UBFD1: variants seen among roughly 807,000 people sequenced by gnomAD.
The protein encoded by UBFD1 is ubiquitin domain-containing protein UBFD1.
Under a neutral mutation model 35.1 loss-of-function variants are expected in UBFD1, and 12 were observed. The ratio of observed to expected loss-of-function variants is 0.34; its 90% CI spans 0.22 to 0.55. The LOEUF is 0.55. UBFD1 is among the 20% of genes least tolerant of loss of function. The pLI, the probability that UBFD1 is intolerant of heterozygous loss-of-function variation, is 0.89. For synonymous variants in UBFD1, 178 were observed against 167.6 expected, an observed-to-expected ratio of 1.06 and a Z score of -0.48; for missense variants, 337 against 410.8, an observed-to-expected ratio of 0.82 and a Z score of 1.55.
At chr16:23,560,280 G>A (rs188936121) in intron 3 of UBFD1, among the ~76,000 whole-genome samples, 1 of 152,242 alleles carries the variant, frequency 6.6e-6, no homozygotes, top group East Asian at 1.9e-4. Context: ...GCTCATCATA[G>A]CCATTAACAT....
intron 3 of UBFD1, chr16:23,559,983 A>G (rs1965905887): frequency 1.9e-6 from 2 of 1,060,618 alleles, no homozygotes; most frequent in Non-Finnish European, 2.6e-6. Context: ...AGTGCCAGAG[A>G]AAACTACCAG....
intron 2 of UBFD1, chr16:23,558,931 C>T (rs1277315885): frequency 1.3e-5 from 2 of 152,924 alleles, no homozygotes; most frequent in Non-Finnish European, 2.9e-5. Context: ...CAGGTGCCCG[C>T]TACCCCGCCG....
At chr16:23,570,092 T>C (rs1044292165) in intron 6 of UBFD1, among the ~76,000 whole-genome samples, 1 of 152,202 alleles carries the variant, frequency 6.6e-6, no homozygotes, top group Non-Finnish European at 1.5e-5. Context: ...TGACAGGTTT[T>C]CTAGGGCAGC....
chr16:23,566,927 G>C, intron 5 of UBFD1, 60 bp from the exon 6 acceptor site: 1 of 1,541,880 alleles, frequency 6.5e-7, no homozygotes, highest in South Asian at 1.1e-5. Context: ...GGACTGCTGA[G>C]TCAGAGAAGT....
At chr16:23,561,432 T>C (rs1298745284) in intron 3 of UBFD1, among the ~76,000 whole-genome samples, 2 of 152,200 alleles carry the variant, frequency 1.3e-5, no homozygotes, top group Non-Finnish European at 2.9e-5. Flanking sequence ...ACTCAGGCAT[T>C]TGGGCCAGGC....
intron 6 of UBFD1, chr16:23,568,814 ACT>A (rs1966045932): frequency 6.6e-6 from 1 of 151,848 alleles, no homozygotes; most frequent in Non-Finnish European, 1.5e-5. Flanking sequence ...GGTGACAGAG[ACT>A]CTGTCTCAAA....
chr16:23,562,845 T>G (rs1405748735), intron 5 of UBFD1, 115 bp downstream of exon 5: 6 of 891,878 alleles, frequency 6.7e-6, no homozygotes, highest in African/African-American at 3.4e-5. Flanking sequence ...TCCACTGTGC[T>G]TTGCTTGCTT....
intron 5 of UBFD1, 92 bp from the exon 6 acceptor site, chr16:23,566,895 C>T (rs542021942): frequency 3.3e-5 from 41 of 1,254,358 alleles, no homozygotes; most frequent in South Asian, 5.2e-5. Context: ...CTGTAGATCC[C>T]GCAGCCACCA....
At chr16:23,563,937 C>G (rs1277596475) in intron 5 of UBFD1, 4 of 152,202 alleles carry the variant, frequency 2.6e-5, no homozygotes, top group Non-Finnish European at 5.9e-5. Context: ...CTTGATTCTC[C>G]CCCCACCCTC....
intron 2 of UBFD1, 85 bp downstream of exon 2, chr16:23,558,364 C>T: frequency 6.7e-7 from 1 of 1,500,748 alleles, no homozygotes; most frequent in Middle Eastern, 1.7e-4. Context: ...GGTGGCTTTC[C>T]TTGCATCAGG....
At chr16:23,559,042 A>G (rs1420340400) in intron 2 of UBFD1, 1 of 150,172 alleles carries the variant, frequency 6.7e-6, no homozygotes, top group Non-Finnish European at 1.5e-5. Flanking sequence ...TTTTTTTTTT[A>G]AAGCTTTCTA....
intron 4 of UBFD1, 23 bp downstream of exon 4, chr16:23,562,294 C>A (rs749858584): frequency 6.2e-7 from 1 of 1,611,088 alleles, no homozygotes; most frequent in South Asian, 1.1e-5. Flanking sequence ...TCTTTGTGAG[C>A]ATTCTGAAAA....
At chr16:23,560,414 CT>C (rs1424646289) in intron 3 of UBFD1, among the ~76,000 whole-genome samples, 1 of 152,182 alleles carries the variant, frequency 6.6e-6, no homozygotes, top group Non-Finnish European at 1.5e-5. Flanking sequence ...CCTGATCGTT[CT>C]TCCTAGTGTT....
intron 5 of UBFD1, chr16:23,564,699 T>C (rs1965986021): frequency 6.6e-6 from 1 of 152,206 alleles, no homozygotes. Context: ...TGAAGATAGG[T>C]GCAGGCAGAG....
Position 23,562,604 on chromosome 16 carries a change from AC to A in UBFD1, c.631-19del. The A allele has an allele frequency of 3.7e-6, 6 of 1,609,704 alleles. No individual in the cohort carries two copies. The South Asian group carries it at 5.5e-5, about 15-fold the overall frequency. ...TTTTCTGACTGTCCCTCCATCTCTT[AC>A]CATTCTCTCGTGCCTTCAGGAGCGC... On this transcript the variant is annotated intron_variant, in intron 4 of 6. Transcript: ENST00000395878.
chr16:23,567,377 A>T (rs1431603037), intron 6 of UBFD1, among the ~76,000 whole-genome samples: 2 of 152,338 alleles, frequency 1.3e-5, no homozygotes, highest in East Asian at 3.9e-4. Flanking sequence ...CCAGGAAAAT[A>T]AATATAAAGA....
At chr16:23,560,096 C>G (rs1387042638) in intron 3 of UBFD1, among the ~76,000 whole-genome samples, 1 of 152,206 alleles carries the variant, frequency 6.6e-6, no homozygotes, top group African/African-American at 2.4e-5. Context: ...AAATCAACAA[C>G]TCTCGGAGGT....
rs1181899711 is a variant in UBFD1, at chr16:23,571,730, TCTGACC to T, written c.*1143_*1148del. ...AGATGCTGCCTTTCTGAAGAAGACA[TCTGACC>T]CTAGCAGGTTGGCCAGTGTTATTGA... On this transcript the variant is annotated 3_prime_UTR_variant, in exon 7 of 7. Coordinates refer to ENST00000395878, the MANE Select transcript of UBFD1 (RefSeq NM_019116.3). The T allele has an allele frequency of 8.5e-5, 13 of 152,682 alleles. No homozygotes were observed. The highest frequency in any genetic ancestry group is 1.6e-4 in the Non-Finnish European group (11 of 68,038). 9.5% of individuals were successfully genotyped at this position (152,682 alleles called of 1,614,324 possible). A position where few individuals can be genotyped will look rare whatever the true frequency, so the allele number is the denominator to read the frequency against.
rs944663430 is a variant in UBFD1 at position 23,574,291 on chromosome 16, A to G, written c.*3701A>G. ...GAGATGAACGTATTTAGTCTATTAG[A>G]TTTGCACTGCTGGATTTTTTTTTTA... is the stretch of plus-strand genomic sequence containing the variant. On this transcript the variant is annotated 3_prime_UTR_variant, in exon 7 of 7. Transcript: ENST00000395878. 1 of 152,162 alleles carries G rather than the reference A, an allele frequency of 6.6e-6. No homozygotes were observed. The highest frequency in any genetic ancestry group is 2.4e-5 in the African/African-American group (1 of 41,246). 9.4% of individuals were successfully genotyped at this position (152,162 alleles called of 1,614,324 possible). A position where few individuals can be genotyped will look rare whatever the true frequency, so the allele number is the denominator to read the frequency against.
Sources: gnomAD v4.1 joint callset for allele counts (sites outside exome capture counted in the v4.1 genomes callset) on GRCh38, gnomAD v4.1.1 for gene constraint, MANE v1.5 for transcripts, NCBI Gene and HGNC (gene_info 2026-07-23, HGNC 2026-07-21) for gene names.